The following NRP1 variants were observed in gnomAD, a reference collection of about 807,000 sequenced individuals.
NRP1 encodes the protein neuropilin-1.
NRP1 carries 35 observed loss-of-function variants against 106.7 expected under a neutral mutation model. The observed-to-expected ratio is 0.33, with a 90% CI of 0.25 to 0.43. The LOEUF (loss-of-function observed/expected upper bound fraction) is 0.43. NRP1 is among the 20% of genes least tolerant of loss of function. The pLI is 1.00. For missense variants in NRP1, 1,024 were observed against 1,170.4 expected (o/e 0.87, Z 1.83); for synonymous variants, 437 against 417.9 (o/e 1.05, Z -0.56).
intron 2 of NRP1, among the ~76,000 whole-genome samples, chr10:33,317,407 G>A (rs1490237938): frequency 1.3e-5 from 2 of 152,206 alleles, no homozygotes; most frequent in African/African-American, 4.8e-5. Context: ...AAGGTCAAAG[G>A]ACAGGGGATA....
intron 5 of NRP1, 83 bp from the exon 6 acceptor site, chr10:33,254,277 G>T: frequency 8.1e-7 from 1 of 1,227,548 alleles, no homozygotes; most frequent in Non-Finnish European, 1.1e-6. Context: ...ATACACCAAA[G>T]AGTTCTTTCA....
At chr10:33,180,435 G>T in intron 16 of NRP1, 70 bp from the exon 17 acceptor site, 1 of 1,449,264 alleles carries the variant, frequency 6.9e-7, no homozygotes, top group South Asian at 1.4e-5. Flanking sequence ...CAGAAAAATA[G>T]AAAGGAACGA....
intron 2 of NRP1, among the ~76,000 whole-genome samples, chr10:33,314,035 T>A (rs906798413): frequency 6.7e-6 from 1 of 148,380 alleles, no homozygotes; most frequent in African/African-American, 2.5e-5. Context: ...TCTCTCTTTC[T>A]CTCTCTCTTT....
chr10:33,318,647 T>A (rs370591867), intron 2 of NRP1, among the ~76,000 whole-genome samples: 2 of 151,836 alleles, frequency 1.3e-5, no homozygotes, highest in Admixed American at 1.3e-4. Context: ...TTCCAATCAG[T>A]AGTAAACACA....
At chr10:33,216,569 TCA>T (rs1379943102) in intron 8 of NRP1, among the ~76,000 whole-genome samples, 4 of 151,950 alleles carry the variant, frequency 2.6e-5, no homozygotes, top group Non-Finnish European at 5.9e-5. Flanking sequence ...TCCTCCCACC[TCA>T]GTCTCCTGAG....
At position 33,272,134 on chromosome 10, in the gene NRP1, T is replaced by C. The variant is rs114065935; in HGVS notation, c.249-1278A>G. On this transcript the variant is annotated intron_variant, in intron 2 of 16. Coordinates refer to ENST00000374867, the MANE Select transcript of NRP1 (RefSeq NM_003873.7). ...CTCTTCTCAAACTGCCCGGGACGCA[T>C]GACTTATGTTTACATAAAGTCTCAG... 3.2e-3 allele frequency among the ~76,000 whole-genome samples: 481 copies of C among 152,344 alleles called. 2 individuals are homozygous for C. Among genetic ancestry groups the C allele is most frequent in the African/African-American group, 0.01 (430 of 41,594 alleles).
In NRP1 at chr10:33,220,276, G is replaced by A. The variant is rs1049062255; in HGVS notation, c.1282+1443C>T. ...AGTGATTTTTTTTCCTTCCAAAGTC[G>A]GTATCATTCTCCTCTAAAAATAATT... is the stretch of plus-strand genomic sequence containing the variant. On this transcript the variant is annotated intron_variant, in intron 8 of 16. Transcript: ENST00000374867. 4.6e-5 allele frequency among the ~76,000 whole-genome samples: 7 copies of A among 151,712 alleles called. No homozygotes were observed. In the East Asian group the frequency reaches 7.7e-4, roughly 17 times the overall value.
At chr10:33,243,967 A>G (rs979848521) in intron 6 of NRP1, among the ~76,000 whole-genome samples, 6 of 134,854 alleles carry the variant, frequency 4.4e-5, no homozygotes, top group African/African-American at 1.9e-4. Context: ...GTGTGTGTGC[A>G]TGCATGCTTG....
rs1301385201 is a variant in NRP1, at chr10:33,192,416, A to C, written c.1927T>G (p.Phe643Val). The C allele has an allele frequency of 3.7e-6, 6 of 1,613,358 alleles. No homozygotes were observed. The highest frequency in any genetic ancestry group is 5.1e-6 in the Non-Finnish European group (6 of 1,179,828). ...TVIDSTIQSE[F>V]PTYGFNCEFG... Reference sequence around the variant, plus strand: ...TCACAGTTAAAACCATATGTTGGAAACTCTTCAGTGGGTGGGAAGTAAAAA... The same window carrying C: ...TCACAGTTAAAACCATATGTTGGAACCTCTTCAGTGGGTGGGAAGTAAAAA... The change falls in exon 13 of 17, where the codon TTT becomes GTT. Residue 643 changes from phenylalanine (F) to valine (V), a missense_variant and splice_region_variant. Coordinates refer to ENST00000374867, the MANE Select transcript of NRP1 (RefSeq NM_003873.7).
intron 1 of NRP1, among the ~76,000 whole-genome samples, chr10:33,332,129 C>A (rs183949343): frequency 6.6e-6 from 1 of 152,232 alleles, no homozygotes; most frequent in Admixed American, 6.5e-5. Context: ...TTACAGAAAT[C>A]ATTTCCCATA....
intron 14 of NRP1, 52 bp from the exon 15 acceptor site, chr10:33,185,776 A>G: frequency 6.9e-7 from 1 of 1,459,818 alleles, no homozygotes; most frequent in Non-Finnish European, 9.6e-7. Context: ...CTCACATGGC[A>G]GTGTTTACAA....
At chr10:33,302,196 A>G (rs971117027) in intron 2 of NRP1, among the ~76,000 whole-genome samples, 1 of 152,246 alleles carries the variant, frequency 6.6e-6, no homozygotes, top group African/African-American at 2.4e-5. Flanking sequence ...CATACAAACT[A>G]GACGCATTTT....
In NRP1 at chr10:33,249,084, G is replaced by GTTTTTTT. The variant is rs750905931; in HGVS notation, c.981+4937_981+4943dup. The stretch of plus-strand genomic sequence containing the variant: ...ATCCCACCCAGGTATTATGTCTCTT[G>GTTTTTTT]TTTTTTTTTTTTTTTTTTTTTTTTG... On this transcript the variant is annotated intron_variant, in intron 6 of 16. Transcript: ENST00000374867. 3.5e-3 allele frequency among the ~76,000 whole-genome samples: 255 copies of GTTTTTTT among 72,200 alleles called. 2 individuals are homozygous for GTTTTTTT. Among genetic ancestry groups the GTTTTTTT allele is most frequent in the Non-Finnish European group, 4.3e-3 (172 of 40,050 alleles). The allele number at this position is 72,200 out of a possible 152,430, so 47.4% of individuals were successfully genotyped here. A position where few individuals can be genotyped will look rare whatever the true frequency, so the allele number is the denominator to read the frequency against.
rs763563755 is a variant in NRP1, at chr10:33,213,451, T to C, written c.1549A>G (p.Ile517Val). 1.2e-5 allele frequency: 20 copies of C among 1,613,968 alleles called. No homozygotes were observed. Among genetic ancestry groups the C allele is most frequent in the Non-Finnish European group, 1.7e-5 (20 of 1,180,020 alleles). ...ENKVFMRKFK[I>V]GYSNNGSDWK... is the part of the protein sequence containing the mutation. ...TCCGAGCCGTTGTTGCTGTACCCGA[T>C]CTTGAACTTCCTCATGAACACCTTG... Residue 517 changes from isoleucine (I) to valine (V), a missense_variant, in exon 9 of 17, where the codon ATC (isoleucine) becomes GTC (valine). Ile to Val is a conservative substitution (Grantham distance 29). Coordinates refer to ENST00000374867, the MANE Select transcript of NRP1 (RefSeq NM_003873.7).
intron 9 of NRP1, chr10:33,212,600 T>C (rs987842989): frequency 6.6e-6 from 1 of 152,514 alleles, no homozygotes; most frequent in Non-Finnish European, 1.5e-5. Flanking sequence ...AATATACACA[T>C]ACTTAACACT....
chr10:33,254,431 G>A lies in NRP1; in HGVS notation c.815-237C>T, dbSNP rs190252638. Among the ~76,000 whole-genome samples the A allele has an allele frequency of 1.6e-4, 25 of 152,184 alleles. No individual in the cohort carries two copies. In the East Asian group the frequency reaches 4.2e-3, roughly 26 times the overall value. On this transcript the variant is annotated intron_variant, in intron 5 of 16. Transcript: ENST00000374867. ...CCAAGTGGACCTAGGTTGACAAAAA[G>A]ACTATTTGAAATTTACCAGGAAATG... is the stretch of plus-strand genomic sequence containing the variant.
At chr10:33,309,227 C>T (rs2132767295) in intron 2 of NRP1, among the ~76,000 whole-genome samples, 1 of 152,340 alleles carries the variant, frequency 6.6e-6, no homozygotes, top group East Asian at 1.9e-4. Context: ...AAATGTACTA[C>T]AGATGGCCAC....
intron 8 of NRP1, among the ~76,000 whole-genome samples, chr10:33,218,794 A>G (rs1238565134): frequency 1.3e-5 from 2 of 152,266 alleles, no homozygotes; most frequent in East Asian, 3.9e-4. Flanking sequence ...AATTGTGACT[A>G]CTCAGCAGGG....
intron 15 of NRP1, among the ~76,000 whole-genome samples, chr10:33,184,135 C>G (rs1046874312): frequency 6.6e-6 from 1 of 152,310 alleles, no homozygotes; most frequent in East Asian, 1.9e-4. Context: ...CCTCAGCCTT[C>G]CGAGTAGCTG....
Sources: gnomAD v4.1 joint callset for allele counts (sites outside exome capture counted in the v4.1 genomes callset) on GRCh38, gnomAD v4.1.1 for gene constraint, MANE v1.5 for transcripts, NCBI Gene and HGNC (gene_info 2026-07-23, HGNC 2026-07-21) for gene names.